DNAL1: variants seen among roughly 807,000 people sequenced by gnomAD.
DNAL1 encodes chromosome 14 open reading frame 168.
A neutral mutation model predicts 29.4 loss-of-function variants in DNAL1; 17 were observed. The ratio of observed to expected loss-of-function variants is 0.58; its 90% CI spans 0.40 to 0.87. The LOEUF (loss-of-function observed/expected upper bound fraction) is 0.87. Ranked by LOEUF, DNAL1 falls within the 40% of genes least tolerant of loss-of-function variation. DNAL1 has a pLI of 0.00. For synonymous variants in DNAL1, 78 were observed against 76.3 expected, an observed-to-expected ratio of 1.02 and a Z score of -0.12; for missense variants, 188 against 214.1, an observed-to-expected ratio of 0.88 and a Z score of 0.76.
intron 1 of DNAL1, among the ~76,000 whole-genome samples, chr14:73,647,724 G>C (rs1413794544): frequency 1.3e-5 from 2 of 152,176 alleles, no homozygotes; most frequent in African/African-American, 4.8e-5. Context: ...AGGAAAACCA[G>C]TTAAACCTTA....
chr14:73,654,879 G>T lies in DNAL1; in HGVS notation c.36G>T (p.Ala12=). 6.5e-7 allele frequency: 1 copy of T among 1,539,746 alleles called. No homozygotes were observed. The highest frequency in any genetic ancestry group is 1.2e-5 in the South Asian group (1 of 81,120). The change falls in exon 2 of 8, where the codon GCG becomes GCT. Residue 12 remains alanine, a synonymous_variant. Coordinates refer to ENST00000553645, the MANE Select transcript of DNAL1 (RefSeq NM_031427.4). ...CAACAACAATCAAAGAAGCCTTAGC[G>T]AGATGGGTGAGTACATGAGTTTTTC... is the stretch of plus-strand genomic sequence containing the variant. ...AKATTIKEAL[A]RWEEKTGQRP... is the part of the protein sequence containing the mutation.
chr14:73,662,566 T>C (rs76407442), intron 4 of DNAL1, among the ~76,000 whole-genome samples: 4,888 of 152,208 alleles, frequency 0.032, 278 homozygotes, highest in African/African-American at 0.11. Flanking sequence ...CAAGCCATGC[T>C]CCCTCTGGAG....
intron 4 of DNAL1, among the ~76,000 whole-genome samples, chr14:73,662,593 T>C (rs1197035826): frequency 3.3e-5 from 5 of 152,146 alleles, no homozygotes; most frequent in African/African-American, 9.7e-5. Context: ...GGAGAATCTT[T>C]TTCTAGCCTC....
intron 5 of DNAL1, among the ~76,000 whole-genome samples, chr14:73,677,884 T>TTGTGTGTG (rs566825653): frequency 0.14 from 13,005 of 95,888 alleles, 945 homozygotes; most frequent in African/African-American, 0.2. Flanking sequence ...ATATATATAT[T>TTGTGTGTG]TGTGTGTGTG....
At chr14:73,657,770 T>G (rs1394134850) in intron 2 of DNAL1, among the ~76,000 whole-genome samples, 2 of 152,158 alleles carry the variant, frequency 1.3e-5, no homozygotes, top group Admixed American at 6.6e-5. Context: ...CTTTTTTGTA[T>G]TTTTAGTAGA....
chr14:73,688,057 T>C (rs566512274), intron 6 of DNAL1, among the ~76,000 whole-genome samples: 20 of 152,232 alleles, frequency 1.3e-4, no homozygotes, highest in African/African-American at 4.8e-4. Flanking sequence ...TGATAGGTCC[T>C]GGTCCTATTA....
chr14:73,672,311 T>TAA (rs745426730), intron 5 of DNAL1, among the ~76,000 whole-genome samples: 3 of 152,206 alleles, frequency 2.0e-5, no homozygotes, highest in Non-Finnish European at 4.4e-5. Flanking sequence ...ATGCTGGAAA[T>TAA]TCTTAAGGGT....
chr14:73,646,972 C>T (rs1890989941), intron 1 of DNAL1, among the ~76,000 whole-genome samples: 1 of 152,066 alleles, frequency 6.6e-6, no homozygotes, highest in Admixed American at 6.6e-5. Flanking sequence ...CTTTCAGTGT[C>T]TTTTTTTCCC....
At chr14:73,663,067 C>G (rs1446785991) in intron 4 of DNAL1, among the ~76,000 whole-genome samples, 2 of 151,950 alleles carry the variant, frequency 1.3e-5, no homozygotes, top group Non-Finnish European at 2.9e-5. Context: ...ACATTTTGAC[C>G]ACTTTCCATT....
At chr14:73,667,801 G>A (rs1043462275) in intron 4 of DNAL1, among the ~76,000 whole-genome samples, 1 of 152,148 alleles carries the variant, frequency 6.6e-6, no homozygotes, top group South Asian at 2.1e-4. Context: ...CCACTGCTGA[G>A]CCATATTTAT....
At chr14:73,666,363 A>T (rs1040009985) in intron 4 of DNAL1, among the ~76,000 whole-genome samples, 15 of 152,214 alleles carry the variant, frequency 9.9e-5, no homozygotes, top group South Asian at 4.1e-4. Context: ...AATATGAATA[A>T]TAATCTTAAA....
chr14:73,680,590 A>G (rs1359319110), intron 5 of DNAL1, among the ~76,000 whole-genome samples: 1 of 152,232 alleles, frequency 6.6e-6, no homozygotes, highest in East Asian at 1.9e-4. Flanking sequence ...TACGTTGTGT[A>G]ATGATCAAAC....
rs6574138 is a variant in DNAL1 at position 73,696,147 on chromosome 14, T to C, written c.*205T>C. ...TAATGCCAACCTTATATATCCTATT[T>C]CTCTTTTTAGAAACCACAAATTTTC... On this transcript the variant is annotated 3_prime_UTR_variant, in exon 8 of 8. Transcript: ENST00000553645. 0.3 allele frequency: 148,274 copies of C among 492,408 alleles called. 24,748 individuals carry two copies. The highest frequency in any genetic ancestry group is 0.39 in the African/African-American group (19,475 of 50,098). The allele number at this position is 492,408 out of a possible 1,614,324, so 30.5% of individuals were successfully genotyped here. A position where few individuals can be genotyped will look rare whatever the true frequency, so the allele number is the denominator to read the frequency against.
intron 1 of DNAL1, among the ~76,000 whole-genome samples, chr14:73,647,225 C>T (rs900729786): frequency 2.0e-5 from 3 of 151,536 alleles, no homozygotes; most frequent in Admixed American, 6.6e-5. Context: ...ATTAGCCAGG[C>T]GTGGTGGTAG....
At chr14:73,647,337 C>T (rs1890999767) in intron 1 of DNAL1, among the ~76,000 whole-genome samples, 1 of 146,598 alleles carries the variant, frequency 6.8e-6, no homozygotes, top group Non-Finnish European at 1.5e-5. Context: ...TGCACTCCAG[C>T]CTGGGCGACA....
intron 5 of DNAL1, among the ~76,000 whole-genome samples, chr14:73,676,682 G>A (rs1224052771): frequency 6.6e-6 from 1 of 151,748 alleles, no homozygotes; most frequent in Non-Finnish European, 1.5e-5. Context: ...TCTTGGGTGA[G>A]GAGTGTGGGT....
rs141873943 is a variant in DNAL1, at chr14:73,689,398, C to T, written c.415C>T (p.Leu139=). The part of the protein sequence containing the change: ...DWAEFVKLAE[L]PCLEDLVFVG... Reference sequence around the variant, plus strand: ...AGCTGAGTTTGTGAAGCTGGCAGAACTGCCATGCCTCGAAGACCTGGTGTT... The same window carrying T: ...AGCTGAGTTTGTGAAGCTGGCAGAATTGCCATGCCTCGAAGACCTGGTGTT... Residue 139 remains leucine, a synonymous_variant, in exon 7 of 8, where the codon CTG becomes TTG. Coordinates refer to ENST00000553645, the MANE Select transcript of DNAL1 (RefSeq NM_031427.4). The T allele has an allele frequency of 6.4e-7, 1 of 1,553,038 alleles. No homozygotes were observed. The highest frequency in any genetic ancestry group is 1.2e-5 in the South Asian group (1 of 84,072).
At chr14:73,671,468 TTTA>T (rs1385514871) in intron 4 of DNAL1, 71 bp from the exon 5 acceptor site, 7 of 1,316,026 alleles carry the variant, frequency 5.3e-6, no homozygotes, top group Middle Eastern at 2.1e-4. Context: ...TTATTAAAGC[TTTA>T]TTATTCTAGA....
At chr14:73,676,344 T>G (rs1006301802) in intron 5 of DNAL1, among the ~76,000 whole-genome samples, 2 of 152,198 alleles carry the variant, frequency 1.3e-5, no homozygotes, top group African/African-American at 4.8e-5. Context: ...CTTTGGTCTT[T>G]CTACCTCCTA....
Sources: allele counts gnomAD v4.1 joint callset (sites outside exome capture counted in the v4.1 genomes callset), GRCh38; gene constraint gnomAD v4.1.1; transcripts MANE v1.5; gene names NCBI Gene and HGNC (gene_info 2026-07-23, HGNC 2026-07-21).